Variants in STK39 observed in about 807,000 individuals in gnomAD.
STK39 encodes the protein serine/threonine kinase 39.
A neutral mutation model predicts 77.8 loss-of-function variants in STK39; 20 were observed. That is an observed-to-expected ratio of 0.26 (90% CI 0.18 to 0.37). The LOEUF (loss-of-function observed/expected upper bound fraction) is 0.37, where lower values mean the gene tolerates loss of function less well. Ranked by LOEUF, STK39 falls within the 10% of genes least tolerant of loss-of-function variation. STK39 has a pLI of 1.00. For synonymous variants in STK39, 246 were observed against 234.1 expected (o/e 1.05, Z -0.47); for missense variants, 479 against 656.5 (o/e 0.73, Z 2.95).
chr2:168,159,992 C>T (rs1224790378), intron 5 of STK39, among the ~76,000 whole-genome samples: 2 of 152,136 alleles, frequency 1.3e-5, no homozygotes, highest in African/African-American at 4.8e-5. Flanking sequence ...AGGAAAAACC[C>T]AAAGGCCTGT....
intron 16 of STK39, among the ~76,000 whole-genome samples, chr2:167,978,249 A>G (rs1240329823): frequency 2.0e-5 from 3 of 152,168 alleles, no homozygotes; most frequent in Non-Finnish European, 4.4e-5. Flanking sequence ...TGTTAATCCT[A>G]CAAAGGCAGA....
intron 16 of STK39, among the ~76,000 whole-genome samples, chr2:167,984,779 A>T (rs1350067111): frequency 6.6e-6 from 1 of 152,204 alleles, no homozygotes; most frequent in Non-Finnish European, 1.5e-5. Context: ...ATTAACTTTT[A>T]AAAATACACT....
intron 10 of STK39, among the ~76,000 whole-genome samples, chr2:168,094,534 A>G (rs965046375): frequency 1.3e-5 from 2 of 152,236 alleles, no homozygotes; most frequent in East Asian, 3.9e-4. Flanking sequence ...TTTTTCTCTT[A>G]CTATGAAAAA....
Position 168,023,553 on chromosome 2 carries a change from C to T in STK39, c.1377-6458G>A, listed in dbSNP as rs567611112. Among the ~76,000 whole-genome samples, 46 of 152,252 alleles carry T rather than the reference C, an allele frequency of 3.0e-4. 1 individual carries two copies. In the South Asian group the frequency reaches 8.7e-3, roughly 29 times the overall value. Reference sequence around the variant, plus strand: ...TCAGGACAATCTGACAGAGTTATTGCTCCTGGAGGGCTCCAAAGCCAAAAT... The same window carrying T: ...TCAGGACAATCTGACAGAGTTATTGTTCCTGGAGGGCTCCAAAGCCAAAAT... On this transcript the variant is annotated intron_variant, in intron 14 of 17. Transcript: ENST00000355999.
intron 16 of STK39, among the ~76,000 whole-genome samples, chr2:167,993,622 C>T (rs549821761): frequency 1.3e-5 from 2 of 152,186 alleles, no homozygotes; most frequent in Non-Finnish European, 2.9e-5. Context: ...CACTGAGATG[C>T]TAAACAACCC....
rs182336088 is a variant in STK39 at position 168,234,213 on chromosome 2, T to C, written c.208+13015A>G. On this transcript the variant is annotated intron_variant, in intron 1 of 17. Transcript: ENST00000355999. Reference sequence around the variant, plus strand: ...CAGTCTTTGAACATTTCCGAGAAATTACCATCCAGCACCACCCCATGTAAC... The same window carrying C: ...CAGTCTTTGAACATTTCCGAGAAATCACCATCCAGCACCACCCCATGTAAC... 8.0e-4 allele frequency among the ~76,000 whole-genome samples: 122 copies of C among 152,304 alleles called. No homozygotes were observed. The East Asian group carries it at 0.018, about 22-fold the overall frequency.
chr2:168,140,183 A>T, intron 7 of STK39, 106 bp downstream of exon 7: 1 of 997,788 alleles, frequency 1.0e-6, no homozygotes, highest in South Asian at 1.4e-5. Flanking sequence ...TCCTCCATTA[A>T]TTCTCCTCGG....
chr2:168,020,608 T>C (rs1027867942), intron 14 of STK39, among the ~76,000 whole-genome samples: 11 of 151,008 alleles, frequency 7.3e-5, no homozygotes, highest in African/African-American at 2.4e-4. Flanking sequence ...GTACACATAA[T>C]ATACACATAT....
intron 14 of STK39, among the ~76,000 whole-genome samples, chr2:168,017,418 CTTG>C (rs1684442723): frequency 9.4e-6 from 1 of 106,470 alleles, no homozygotes; most frequent in African/African-American, 3.8e-5. Flanking sequence ...GAGTTTCGCT[CTTG>C]TTGTCCAGGC....
chr2:168,240,800 CAG>C (rs1051701947), intron 1 of STK39, among the ~76,000 whole-genome samples: 5 of 152,188 alleles, frequency 3.3e-5, no homozygotes, highest in African/African-American at 1.2e-4. Flanking sequence ...TTCAGACAGA[CAG>C]AGATGTGGAT....
rs1167678843 is a variant in STK39 at position 168,039,466 on chromosome 2, C to T, written c.1377-22371G>A. ...AATTAGCCGGGCGCGGTGGCGGGCG[C>T]CTGTAGTCCCAGCTACTCGGGAGGC... is the stretch of plus-strand genomic sequence containing the variant. On this transcript the variant is annotated intron_variant, in intron 14 of 17. Coordinates refer to ENST00000355999, the MANE Select transcript of STK39 (RefSeq NM_013233.3). Among the ~76,000 whole-genome samples the T allele has an allele frequency of 4.6e-4, 33 of 72,216 alleles. 14 individuals carry two copies. The highest frequency in any genetic ancestry group is 1.1e-3 in the African/African-American group (28 of 24,738). 47.4% of individuals were successfully genotyped at this position (72,216 alleles called of 152,430 possible).
intron 16 of STK39, among the ~76,000 whole-genome samples, chr2:167,974,060 G>T (rs906207291): frequency 2.0e-5 from 3 of 152,086 alleles, no homozygotes; most frequent in Admixed American, 6.5e-5. Context: ...ATACACTAAT[G>T]CAAGGATGAA....
intron 8 of STK39, among the ~76,000 whole-genome samples, chr2:168,133,138 G>T (rs1329095609): frequency 1.3e-5 from 2 of 152,150 alleles, no homozygotes; most frequent in African/African-American, 4.8e-5. Flanking sequence ...ACACAGGAAG[G>T]GTCAAGTGTA....
intron 1 of STK39, among the ~76,000 whole-genome samples, chr2:168,210,606 G>A (rs1270482776): frequency 6.6e-6 from 1 of 152,120 alleles, no homozygotes; most frequent in African/African-American, 2.4e-5. Context: ...TGCAACCTCC[G>A]CCTCCTGGGT....
intron 1 of STK39, among the ~76,000 whole-genome samples, chr2:168,182,744 A>C (rs559767021): frequency 1.3e-5 from 2 of 152,330 alleles, no homozygotes; most frequent in South Asian, 4.1e-4. Context: ...ATTTTATAAG[A>C]GCAAAATGTA....
chr2:168,121,416 T>C (rs923233853), intron 10 of STK39, among the ~76,000 whole-genome samples: 1 of 152,340 alleles, frequency 6.6e-6, no homozygotes, highest in Middle Eastern at 3.4e-3. Context: ...TCTTCACACA[T>C]ACACGCCCCT....
At chr2:168,135,176 G>A (rs973014932) in intron 8 of STK39, among the ~76,000 whole-genome samples, 7 of 151,638 alleles carry the variant, frequency 4.6e-5, no homozygotes, top group African/African-American at 7.3e-5. Flanking sequence ...AGTACACAGT[G>A]TAATAAGTGC....
chr2:168,232,654 TG>T (rs1189760415), intron 1 of STK39, among the ~76,000 whole-genome samples: 1 of 152,162 alleles, frequency 6.6e-6, no homozygotes, highest in Admixed American at 6.5e-5. Flanking sequence ...GGCTCACTCC[TG>T]TAATCCCAGC....
chr2:168,232,877 A>G (rs1283167415), intron 1 of STK39, among the ~76,000 whole-genome samples: 2 of 151,566 alleles, frequency 1.3e-5, no homozygotes, highest in African/African-American at 4.8e-5. Context: ...GCGCCATTGC[A>G]CTCCAGCCTG....
Sources: allele counts gnomAD v4.1 joint callset (sites outside exome capture counted in the v4.1 genomes callset), GRCh38; gene constraint gnomAD v4.1.1; transcripts MANE v1.5; gene names NCBI Gene and HGNC (gene_info 2026-07-23, HGNC 2026-07-21).